Variants in PODXL observed in about 807,000 individuals in gnomAD.
PODXL encodes the protein podocalyxin like, also known as podocalyxin.
In PODXL, 20 loss-of-function variants were observed where a neutral mutation model predicts 48.9. The ratio of observed to expected loss-of-function variants is 0.41; its 90% CI spans 0.29 to 0.59. PODXL has a LOEUF of 0.59. Ranked by LOEUF, PODXL falls within the 20% of genes least tolerant of loss-of-function variation. The pLI is 0.31. For missense variants in PODXL, 606 were observed against 675.1 expected (o/e 0.90, Z 1.13); for synonymous variants, 295 against 287.4 (o/e 1.03, Z -0.27).
chr7:131,505,630 TAATAA>T (rs927659821), intron 8 of PODXL, among the ~76,000 whole-genome samples: 2 of 151,930 alleles, frequency 1.3e-5, no homozygotes, highest in Non-Finnish European at 1.5e-5. Context: ...AAAATAATAA[TAATAA>T]AATAAAAAAT....
At chr7:131,506,185 G>C in intron 7 of PODXL, 75 bp downstream of exon 7, 9 of 1,540,516 alleles carry the variant, frequency 5.8e-6, no homozygotes, top group Non-Finnish European at 8.1e-6. Context: ...CCTCCCCACA[G>C]AGAGAGGGGA....
intron 1 of PODXL, among the ~76,000 whole-genome samples, chr7:131,515,692 C>T (rs563499266): frequency 6.6e-6 from 1 of 152,244 alleles, no homozygotes; most frequent in Admixed American, 6.5e-5. Context: ...CGTGAGCCAC[C>T]GCGCCTGGCC....
intron 1 of PODXL, among the ~76,000 whole-genome samples, chr7:131,537,082 C>T (rs775976622): frequency 6.6e-6 from 1 of 152,064 alleles, no homozygotes; most frequent in South Asian, 2.1e-4. Flanking sequence ...GCCATAATTG[C>T]GCCACTGCAC....
chr7:131,556,294 C>T lies in PODXL; in HGVS notation c.66G>A (p.Ser22=). The change falls in exon 1 of 9, where the codon TCG becomes TCA. Residue 22 remains serine, a synonymous_variant. Coordinates refer to ENST00000378555, the MANE Select transcript of PODXL (RefSeq NM_001018111.3). The stretch of plus-strand genomic sequence containing the variant: ...AGGGCGACGGCGACGGCGACGGCGA[C>T]GACGGCAGCAGCGGCGGCGTTGACA... The part of the protein sequence containing the change: ...LLLSTPPLLP[S]SPSPSPSPSQ... 2.0e-6 allele frequency: 3 copies of T among 1,498,626 alleles called. No homozygotes were observed. Among genetic ancestry groups the T allele is most frequent in the South Asian group, 1.3e-5 (1 of 78,214 alleles). The allele number at this position is 1,498,626 out of a possible 1,614,324, so 92.8% of individuals were successfully genotyped here. A position where few individuals can be genotyped will look rare whatever the true frequency, so the allele number is the denominator to read the frequency against.
At chr7:131,516,679 T>A (rs1798001323) in intron 1 of PODXL, among the ~76,000 whole-genome samples, 1 of 151,768 alleles carries the variant, frequency 6.6e-6, no homozygotes, top group South Asian at 2.1e-4. Context: ...GTCTCTGAAA[T>A]GAGAATGTAT....
Position 131,502,482 on chromosome 7 carries a change from G to A in PODXL, c.*1829C>T, listed in dbSNP as rs146070585. The A allele has an allele frequency of 9.2e-5, 14 of 152,388 alleles. No homozygotes were observed. The highest frequency in any genetic ancestry group is 3.4e-4 in the African/African-American group (14 of 41,552). 9.4% of individuals were successfully genotyped at this position (152,388 alleles called of 1,614,324 possible). Reference sequence around the variant, plus strand: ...GTGAGGAAGGAATTAGGCAGATGGTGCAGGACAGATCTTCCCCAGCCCCTC... The same window carrying A: ...GTGAGGAAGGAATTAGGCAGATGGTACAGGACAGATCTTCCCCAGCCCCTC... On this transcript the variant is annotated 3_prime_UTR_variant, in exon 9 of 9. Transcript: ENST00000378555.
chr7:131,513,768 G>A (rs935327211), intron 1 of PODXL, among the ~76,000 whole-genome samples: 1 of 152,224 alleles, frequency 6.6e-6, no homozygotes, highest in African/African-American at 2.4e-5. Flanking sequence ...AGCCTGGCTT[G>A]AGTGAGGTTC....
At chr7:131,541,805 A>G (rs940803526) in intron 1 of PODXL, among the ~76,000 whole-genome samples, 1 of 152,204 alleles carries the variant, frequency 6.6e-6, no homozygotes, top group Non-Finnish European at 1.5e-5. Flanking sequence ...AAGCCAAGTC[A>G]TCATGGCCCT....
intron 1 of PODXL, among the ~76,000 whole-genome samples, chr7:131,549,659 G>A (rs1159356765): frequency 1.1e-4 from 17 of 152,178 alleles, no homozygotes; most frequent in Non-Finnish European, 1.5e-5. Context: ...ATCCCTAGGG[G>A]CCTGGCTCTG....
chr7:131,533,082 A>G (rs981829912), intron 1 of PODXL, among the ~76,000 whole-genome samples: 2 of 152,226 alleles, frequency 1.3e-5, no homozygotes, highest in African/African-American at 4.8e-5. Context: ...GAACAGAGAC[A>G]GCAGGAAGGG....
chr7:131,502,761 C>T lies in PODXL; in HGVS notation c.*1550G>A, dbSNP rs1019360627. 2.6e-5 allele frequency: 4 copies of T among 152,664 alleles called. No homozygotes were observed. Among genetic ancestry groups the T allele is most frequent in the African/African-American group, 9.7e-5 (4 of 41,440 alleles). 9.5% of individuals were successfully genotyped at this position (152,664 alleles called of 1,614,324 possible). On this transcript the variant is annotated 3_prime_UTR_variant, in exon 9 of 9. Transcript: ENST00000378555. ...CCTTCTCAATCAGATGAAACCTCAC[C>T]ATGCCCACTGCTTAGGAGCCTTCTA...
chr7:131,543,349 C>T (rs965211341), intron 1 of PODXL, among the ~76,000 whole-genome samples: 2 of 152,124 alleles, frequency 1.3e-5, no homozygotes, highest in Admixed American at 1.3e-4. Context: ...TGGTCTTGAA[C>T]TCCTGGCTTC....
intron 1 of PODXL, among the ~76,000 whole-genome samples, chr7:131,543,743 G>A (rs1798520086): frequency 6.6e-6 from 1 of 152,150 alleles, no homozygotes; most frequent in Non-Finnish European, 1.5e-5. Context: ...TGAAGAAAGG[G>A]CCGAGGCCAG....
intron 1 of PODXL, among the ~76,000 whole-genome samples, chr7:131,522,381 T>C (rs1798105534): frequency 6.8e-6 from 1 of 147,402 alleles, no homozygotes; most frequent in African/African-American, 2.5e-5. Context: ...GAGGTGGAGG[T>C]TGCAGTGGAG....
At chr7:131,543,956 C>T (rs1798523439) in intron 1 of PODXL, among the ~76,000 whole-genome samples, 1 of 152,196 alleles carries the variant, frequency 6.6e-6, no homozygotes, top group African/African-American at 2.4e-5. Flanking sequence ...ACCCATCAGT[C>T]CCATGATGCC....
intron 1 of PODXL, among the ~76,000 whole-genome samples, chr7:131,536,145 A>G (rs1798370784): frequency 6.6e-6 from 1 of 152,238 alleles, no homozygotes; most frequent in Non-Finnish European, 1.5e-5. Context: ...CTAGCCTGTT[A>G]GAAACCAAGC....
At chr7:131,551,483 C>T (rs1424748706) in intron 1 of PODXL, among the ~76,000 whole-genome samples, 2 of 152,208 alleles carry the variant, frequency 1.3e-5, no homozygotes, top group Non-Finnish European at 2.9e-5. Flanking sequence ...GGAATGACTT[C>T]CATTTCAGCT....
At chr7:131,547,487 T>C (rs1798599316) in intron 1 of PODXL, among the ~76,000 whole-genome samples, 1 of 151,710 alleles carries the variant, frequency 6.6e-6, no homozygotes, top group Admixed American at 6.6e-5. Flanking sequence ...ACAATACCTA[T>C]TTTCCCGCTG....
chr7:131,537,322 A>T (rs912873577), intron 1 of PODXL, among the ~76,000 whole-genome samples: 7 of 148,734 alleles, frequency 4.7e-5, no homozygotes, highest in Admixed American at 4.0e-4. Flanking sequence ...TAAAAAAAAA[A>T]AGCCAAGCAC....
Sources: gnomAD v4.1 joint callset for allele counts (sites outside exome capture counted in the v4.1 genomes callset) on GRCh38, gnomAD v4.1.1 for gene constraint, MANE v1.5 for transcripts, NCBI Gene and HGNC (gene_info 2026-07-23, HGNC 2026-07-21) for gene names.